TEX36: variants seen among roughly 807,000 people sequenced by gnomAD.
TEX36 encodes the protein testis-expressed protein 36.
TEX36 carries 12 observed loss-of-function variants against 13.6 expected under a neutral mutation model. The ratio of observed to expected loss-of-function variants is 0.88; its 90% CI spans 0.56 to 1.43. The LOEUF (loss-of-function observed/expected upper bound fraction) is 1.43. TEX36 is among the 40% of genes most tolerant of loss of function. The pLI, the probability that TEX36 is intolerant of heterozygous loss-of-function variation, is 0.00. For missense variants in TEX36, 224 were observed against 228.3 expected (o/e 0.98, Z 0.12); for synonymous variants, 93 against 83.0 (o/e 1.12, Z -0.65).
chr10:125,655,995 A>G lies in TEX36; in HGVS notation c.466T>C (p.Phe156Leu), dbSNP rs1359067127. The G allele has an allele frequency of 4.5e-6, 7 of 1,551,854 alleles. No homozygotes were observed. The Admixed American group carries it at 1.2e-4, about 26-fold the overall frequency. ...TCTGTATAGCTTCTCTCAGGAAGAA[A>G]TGTAAAAGCGTTCCATATCTCTTTA... is the stretch of plus-strand genomic sequence containing the variant. ...CYKEIWNAFT[F>L]LPERSYTEVL... Residue 156 changes from phenylalanine (F) to leucine (L), a missense_variant, in exon 4 of 4, where the codon TTT becomes CTT. Transcript: ENST00000368821.
intron 3 of TEX36, among the ~76,000 whole-genome samples, chr10:125,658,251 G>C (rs988363313): frequency 1.1e-4 from 17 of 151,972 alleles, no homozygotes; most frequent in African/African-American, 3.9e-4. Flanking sequence ...TTAGCAAAAA[G>C]AGAGTAATAG....
At chr10:125,592,426 G>T (rs562532061) in intron 3 of TEX36, among the ~76,000 whole-genome samples, 1 of 152,192 alleles carries the variant, frequency 6.6e-6, no homozygotes, top group African/African-American at 2.4e-5. Flanking sequence ...TGTATAGAAT[G>T]TAGCTACTTG....
chr10:125,614,542 C>G (rs1846333098), intron 3 of TEX36, among the ~76,000 whole-genome samples: 1 of 152,074 alleles, frequency 6.6e-6, no homozygotes, highest in Non-Finnish European at 1.5e-5. Context: ...ATAGGGAATC[C>G]TTTCCCCATT....
chr10:125,675,096 T>C lies in TEX36; in HGVS notation c.51+7843A>G, dbSNP rs1847291748. Among the ~76,000 whole-genome samples the C allele has an allele frequency of 2.0e-5, 3 of 150,720 alleles. No individual in the cohort carries two copies. The East Asian group carries it at 6.0e-4, about 30-fold the overall frequency. On this transcript the variant is annotated intron_variant, in intron 1 of 3. Coordinates refer to ENST00000368821, the MANE Select transcript of TEX36 (RefSeq NM_001128202.3). Reference sequence around the variant, plus strand: ...CAGTCCCAGGGAGACAAGAGTTCTGTCCTTAAACCCCTGGCTGGAGTTGCT... The same window carrying C: ...CAGTCCCAGGGAGACAAGAGTTCTGCCCTTAAACCCCTGGCTGGAGTTGCT...
chr10:125,647,404 G>A (rs76183479), intron 3 of TEX36, among the ~76,000 whole-genome samples: 3,956 of 152,250 alleles, frequency 0.026, 176 homozygotes, highest in African/African-American at 0.09. Context: ...GGATATAAGC[G>A]GGAGAGTGGG....
chr10:125,619,136 AT>A (rs1245337481), downstream of TEX36, among the ~76,000 whole-genome samples: 1 of 151,730 alleles, frequency 6.6e-6, no homozygotes, highest in Non-Finnish European at 1.5e-5. Context: ...TCTCAAAAAA[AT>A]AAAAATAAAA....
Position 125,655,929 on chromosome 10 carries a change from T to C in TEX36, c.532A>G (p.Lys178Glu), listed in dbSNP as rs1846932754. ...KKPKVRFTVD[K>E]KVVSSLES ...GACTCCAGTGAAGAAACAACCTTTT[T>C]GTCAACAGTGAACCTTACTTTGGGC... The change falls in exon 4 of 4, where the codon AAA becomes GAA. Residue 178 changes from lysine to glutamate, a missense_variant. Physicochemically the swap from Lys to Glu is moderately conservative, Grantham distance 56. Transcript: ENST00000368821. 2.0e-6 allele frequency: 3 copies of C among 1,534,580 alleles called. No individual in the cohort carries two copies. The highest frequency in any genetic ancestry group is 3.4e-4 in the Middle Eastern group (2 of 5,894).
Position 125,661,948 on chromosome 10 carries a change from T to G in TEX36, c.81A>C (p.Thr27=). 6.4e-7 allele frequency: 1 copy of G among 1,552,330 alleles called. No homozygotes were observed. The highest frequency in any genetic ancestry group is 8.7e-7 in the Non-Finnish European group (1 of 1,147,124). The change falls in exon 2 of 4, where the codon ACA becomes ACC. Residue 27 remains threonine (T), a synonymous_variant. Transcript: ENST00000368821. The part of the protein sequence containing the change: ...WFPHIGLTQK[T]PESITSATSK... ...ACGTAGCACTGGTGATGGATTCTGG[T>G]GTCTTTTGCGTTAGCCCGATGTGAG... is the stretch of plus-strand genomic sequence containing the variant.
intron 3 of TEX36, among the ~76,000 whole-genome samples, chr10:125,638,968 T>C (rs1295921307): frequency 6.6e-6 from 1 of 152,264 alleles, no homozygotes; most frequent in Non-Finnish European, 1.5e-5. Flanking sequence ...TCATTAGGCT[T>C]TCAGTAAATA....
At chr10:125,640,270 C>T (rs1446081151) in intron 3 of TEX36, 7 of 911,634 alleles carry the variant, frequency 7.7e-6, no homozygotes, top group Middle Eastern at 5.5e-4. Context: ...GTTCTTGTGC[C>T]TGTATTACCC....
intron 1 of TEX36, among the ~76,000 whole-genome samples, chr10:125,669,754 A>AC (rs1048079226): frequency 6.6e-6 from 1 of 151,566 alleles, no homozygotes; most frequent in African/African-American, 2.4e-5. Flanking sequence ...TCCCTCCCAC[A>AC]CCCCCCGTAA....
intron 1 of TEX36, among the ~76,000 whole-genome samples, chr10:125,675,839 C>G (rs1475951320): frequency 6.6e-6 from 1 of 152,214 alleles, no homozygotes; most frequent in African/African-American, 2.4e-5. Flanking sequence ...ATCTTGGCCC[C>G]TCCCCACTAA....
At chr10:125,601,466 T>A (rs1846145543) in intron 3 of TEX36, among the ~76,000 whole-genome samples, 1 of 152,242 alleles carries the variant, frequency 6.6e-6, no homozygotes, top group East Asian at 1.9e-4. Flanking sequence ...TTACAGACAG[T>A]GAAGATAATT....
At chr10:125,593,765 G>A (rs1022034181) in intron 3 of TEX36, among the ~76,000 whole-genome samples, 7 of 152,212 alleles carry the variant, frequency 4.6e-5, no homozygotes, top group African/African-American at 7.2e-5. Context: ...GGGGAAGAGA[G>A]AACAGGGAAT....
chr10:125,613,998 T>C (rs1440648255), intron 3 of TEX36, among the ~76,000 whole-genome samples: 6 of 152,212 alleles, frequency 3.9e-5, no homozygotes, highest in South Asian at 2.1e-4. Flanking sequence ...TGGTATCTCA[T>C]TGTGGTTTTG....
intron 3 of TEX36, among the ~76,000 whole-genome samples, chr10:125,595,161 G>T (rs1175131622): frequency 6.6e-6 from 1 of 152,122 alleles, no homozygotes; most frequent in African/African-American, 2.4e-5. Context: ...AAATCAGAAT[G>T]GATCTCTTAA....
At chr10:125,655,663 T>C, downstream of TEX36, 1 of 1,210,046 alleles carries the variant, frequency 8.3e-7, no homozygotes, top group Non-Finnish European at 1.0e-6. Flanking sequence ...GACCGTATAT[T>C]AAGGATGTAC....
rs1315640787 is a variant in TEX36 at position 125,661,941 on chromosome 10, A to AT, written c.87dup (p.Ser30IlefsTer37). 6.4e-7 allele frequency: 1 copy of AT among 1,552,152 alleles called. No homozygotes were observed. Among genetic ancestry groups the AT allele is most frequent in the South Asian group, 1.2e-5 (1 of 84,056 alleles). ...TCTTTTGACGTAGCACTGGTGATGG[A>AT]TTCTGGTGTCTTTTGCGTTAGCCCG... On this transcript the variant is annotated frameshift_variant, in exon 2 of 4. Coordinates refer to ENST00000368821, the MANE Select transcript of TEX36 (RefSeq NM_001128202.3). LOFTEE classifies it high-confidence loss of function.
At position 125,647,813 on chromosome 10, in the gene TEX36, C is replaced by A. The variant is rs185020902; in HGVS notation, c.264+13208G>T. 2.9e-3 allele frequency among the ~76,000 whole-genome samples: 443 copies of A among 152,308 alleles called. 3 individuals are homozygous for A. Among genetic ancestry groups the A allele is most frequent in the African/African-American group, 0.01 (420 of 41,570 alleles). ...TCGGGACACTCCCACCATAATACTG[C>A]GCTTTTCCAATGGCCTTAGCAAACA... On this transcript the variant is annotated intron_variant, in intron 3 of 3. Coordinates refer to the TEX36 transcript ENST00000526819.
Sources: gnomAD v4.1 joint callset for allele counts (sites outside exome capture counted in the v4.1 genomes callset) on GRCh38, gnomAD v4.1.1 for gene constraint, MANE v1.5 for transcripts, NCBI Gene and HGNC (gene_info 2026-07-23, HGNC 2026-07-21) for gene names.